STEEP1: variants seen among roughly 807,000 people sequenced by gnomAD.
STEEP1 encodes STING ER exit protein.
A neutral mutation model predicts 19.2 loss-of-function variants in STEEP1; 3 were observed. The ratio of observed to expected loss-of-function variants is 0.16; its 90% CI spans 0.07 to 0.40. The LOEUF (loss-of-function observed/expected upper bound fraction) is 0.40, where lower values mean the gene tolerates loss of function less well. STEEP1 is among the 10% of genes least tolerant of loss of function. STEEP1 has a pLI of 0.99. For missense variants in STEEP1, 54 were observed against 177.1 expected, an observed-to-expected ratio of 0.30 and a Z score of 3.94; for synonymous variants, 46 against 63.7, an observed-to-expected ratio of 0.72 and a Z score of 1.32.
chrX:119,542,055 CTTTTTTTTTTTTT>C lies in STEEP1; in HGVS notation c.513+437_513+449del, dbSNP rs201339708. Reference sequence around the variant, plus strand: ...TCACTGTCAGAGTTTCTTTTCTTTTCTTTTTTTTTTTTTTTTTTTTTTTTTTTTTTGAGACAGA... The same window carrying C: ...TCACTGTCAGAGTTTCTTTTCTTTTCTTTTTTTTTTTTTTTTTGAGACAGA... On this transcript the variant is annotated intron_variant, in intron 5 of 6. Transcript: ENST00000644802. Among the ~76,000 whole-genome samples, 9 of 82,925 alleles carry C rather than the reference CTTTTTTTTTTTTT, an allele frequency of 1.1e-4. No homozygotes were observed. In the East Asian group the frequency reaches 1.1e-3, roughly 10 times the overall value. 72.0% of individuals were successfully genotyped at this position (82,925 alleles called of 115,157 possible).
intron 2 of STEEP1, among the ~76,000 whole-genome samples, chrX:119,559,680 G>A (rs1376334293): frequency 9.0e-6 from 1 of 111,392 alleles, no homozygotes; most frequent in African/African-American, 3.3e-5. Context: ...CCTGGCACAC[G>A]GTATGCTCCA....
At chrX:119,564,050 T>A (rs986098109) in intron 1 of STEEP1, among the ~76,000 whole-genome samples, 1 of 111,408 alleles carries the variant, frequency 9.0e-6, no homozygotes, top group African/African-American at 3.3e-5. Context: ...AAGATGAACA[T>A]CTGGGAGTTA....
intron 2 of STEEP1, among the ~76,000 whole-genome samples, chrX:119,552,980 T>C (rs1187903982): frequency 9.0e-6 from 1 of 110,555 alleles, no homozygotes; most frequent in Non-Finnish European, 1.9e-5. Flanking sequence ...CTGGCCAACA[T>C]GGTGAAACCC....
chrX:119,544,056 C>T (rs1350838080), intron 4 of STEEP1, among the ~76,000 whole-genome samples: 1 of 111,171 alleles, frequency 9.0e-6, no homozygotes, highest in Non-Finnish European at 1.9e-5. Flanking sequence ...GGGATGAATA[C>T]CCCATTTTCC....
chrX:119,554,068 G>A (rs191918367), intron 2 of STEEP1, among the ~76,000 whole-genome samples: 2 of 111,835 alleles, frequency 1.8e-5, no homozygotes, highest in Non-Finnish European at 3.8e-5. Context: ...TAGATGTTTG[G>A]GATAATTGAC....
chrX:119,542,601 T>A lies in STEEP1; in HGVS notation c.424-7A>T. 1 of 1,187,161 alleles carries A rather than the reference T, an allele frequency of 8.4e-7. No homozygotes were observed. The highest frequency in any genetic ancestry group is 1.8e-5 in the South Asian group (1 of 56,257). On this transcript the variant is annotated splice_region_variant and splice_polypyrimidine_tract_variant and intron_variant, in intron 4 of 6. Transcript: ENST00000644802. The stretch of plus-strand genomic sequence containing the variant: ...TCCGTTTGGTCATCATCACCTGGAG[T>A]GGCAGGCAAGAAGAAGTCAGTCCGG...
chrX:119,552,284 C>T (rs974741772), intron 2 of STEEP1, among the ~76,000 whole-genome samples: 1 of 111,591 alleles, frequency 9.0e-6, no homozygotes, highest in East Asian at 2.8e-4. Context: ...GTGATCTGCC[C>T]GCTTCGGCCT....
At chrX:119,559,629 A>G (rs1298295275) in intron 2 of STEEP1, among the ~76,000 whole-genome samples, 1 of 111,955 alleles carries the variant, frequency 8.9e-6, no homozygotes, top group Non-Finnish European at 1.9e-5. Context: ...GGTAAAAATC[A>G]TACCTTATTC....
intron 2 of STEEP1, among the ~76,000 whole-genome samples, chrX:119,548,430 A>T (rs1165912060): frequency 9.8e-6 from 1 of 101,585 alleles, no homozygotes; most frequent in East Asian, 3.4e-4. Flanking sequence ...GCTACTAGGG[A>T]GGATGAGGCA....
intron 2 of STEEP1, among the ~76,000 whole-genome samples, chrX:119,546,054 T>C (rs745942322): frequency 6.9e-4 from 76 of 110,522 alleles, no homozygotes; most frequent in Non-Finnish European, 1.2e-3. Context: ...TAATCATAGG[T>C]AGCAATAGTA....
intron 4 of STEEP1, chrX:119,542,803 T>C (rs2053173609): frequency 6.4e-6 from 2 of 310,298 alleles, no homozygotes; most frequent in Non-Finnish European, 1.1e-5. Flanking sequence ...TTTTTTTTAA[T>C]TTACTTTATT....
At chrX:119,541,646 C>T (rs183862928) in intron 5 of STEEP1, among the ~76,000 whole-genome samples, 88 of 112,111 alleles carry the variant, frequency 7.8e-4, no homozygotes, top group African/African-American at 2.8e-3. Flanking sequence ...ACTCTGTTGC[C>T]CAGGCTGGAG....
intron 5 of STEEP1, among the ~76,000 whole-genome samples, chrX:119,541,987 C>A (rs1447759322): frequency 1.9e-5 from 2 of 107,989 alleles, no homozygotes. Flanking sequence ...CCTTCGTTTT[C>A]ATTTTACAGA....
chrX:119,558,350 C>T (rs1036057111), intron 2 of STEEP1, among the ~76,000 whole-genome samples: 15 of 110,266 alleles, frequency 1.4e-4, no homozygotes, highest in Admixed American at 2.9e-4. Flanking sequence ...CTGGCTAACA[C>T]GGTGAAACCC....
intron 6 of STEEP1, among the ~76,000 whole-genome samples, chrX:119,540,695 C>G (rs899746185): frequency 2.7e-5 from 3 of 112,378 alleles, no homozygotes; most frequent in African/African-American, 6.5e-5. Context: ...CATCCTGGGA[C>G]AACGTCCAGA....
chrX:119,539,546 A>T lies in STEEP1; in HGVS notation c.*181T>A, dbSNP rs74480661. On this transcript the variant is annotated 3_prime_UTR_variant, in exon 7 of 7. Coordinates refer to ENST00000644802, the MANE Select transcript of STEEP1 (RefSeq NM_022101.4). ...ACTTTATCTCAAAAAAAAAAAAAAA[A>T]AAAAGAAAGCAAGTTAAATGGACTC... 7 of 362,796 alleles carry T rather than the reference A, an allele frequency of 1.9e-5. No homozygotes were observed. The highest frequency in any genetic ancestry group is 3.3e-5 in the Non-Finnish European group (7 of 209,059). 29.9% of individuals were successfully genotyped at this position (362,796 alleles called of 1,213,427 possible). A position where few individuals can be genotyped will look rare whatever the true frequency, so the allele number is the denominator to read the frequency against.
intron 2 of STEEP1, among the ~76,000 whole-genome samples, chrX:119,551,935 T>G (rs2053245238): frequency 9.5e-6 from 1 of 105,301 alleles, no homozygotes; most frequent in East Asian, 3.0e-4. Flanking sequence ...TGAGTCTCAC[T>G]CTGTGACCCA....
intron 2 of STEEP1, among the ~76,000 whole-genome samples, chrX:119,551,820 G>A (rs1234738532): frequency 9.1e-6 from 1 of 110,389 alleles, no homozygotes; most frequent in Non-Finnish European, 1.9e-5. Context: ...CGGACACAGC[G>A]TCAGATACCA....
chrX:119,565,242 G>C lies in STEEP1; in HGVS notation c.114C>G (p.Val38=). The part of the protein sequence containing the change: ...HVYYCLCGQM[V]LVLDCQLEKL... Reference sequence around the variant, plus strand: ...TTCCCGGCTACTCACCCAGCACTAGGACCATCTGGCCGCACAAACAGTAGT... The same window carrying C: ...TTCCCGGCTACTCACCCAGCACTAGCACCATCTGGCCGCACAAACAGTAGT... Residue 38 remains valine (V), a synonymous_variant, in exon 1 of 7, where the codon GTC becomes GTG. Transcript: ENST00000644802. 8.3e-7 allele frequency: 1 copy of C among 1,208,633 alleles called. No individual in the cohort carries two copies. Among genetic ancestry groups the C allele is most frequent in the Non-Finnish European group, 1.1e-6 (1 of 893,694 alleles).
Sources: allele counts gnomAD v4.1 joint callset (sites outside exome capture counted in the v4.1 genomes callset), GRCh38; gene constraint gnomAD v4.1.1; transcripts MANE v1.5; gene names NCBI Gene and HGNC (gene_info 2026-07-23, HGNC 2026-07-21).